The following GOLGB1 variants were observed in gnomAD, a reference collection of about 807,000 sequenced individuals.
The protein encoded by GOLGB1 is golgin subfamily B member 1.
A neutral mutation model predicts 336.9 loss-of-function variants in GOLGB1; 174 were observed. The ratio of observed to expected loss-of-function variants is 0.52; its 90% CI spans 0.46 to 0.59. The LOEUF is 0.59. Among genes scored for constraint, GOLGB1 ranks in the 20% least tolerant of loss-of-function variants. GOLGB1 has a pLI of 0.00. For synonymous variants in GOLGB1, 1,208 were observed against 1,289.2 expected (o/e 0.94, Z 1.35); for missense variants, 3,331 against 3,645.3 (o/e 0.91, Z 2.22).
chr3:121,685,071 A>G (rs1172435211), intron 14 of GOLGB1, among the ~76,000 whole-genome samples: 1 of 152,232 alleles, frequency 6.6e-6, no homozygotes, highest in African/African-American at 2.4e-5. Context: ...AGGAACAACA[A>G]TAACAAAAAC....
intron 13 of GOLGB1, 103 bp downstream of exon 13, chr3:121,693,638 A>AT: frequency 3.5e-6 from 3 of 845,682 alleles, no homozygotes; most frequent in Middle Eastern, 3.3e-4. Context: ...ATGGACATTT[A>AT]TGCCAAAATT....
At chr3:121,725,355 T>C (rs1347233785) in intron 5 of GOLGB1, among the ~76,000 whole-genome samples, 1 of 151,986 alleles carries the variant, frequency 6.6e-6, no homozygotes, top group Non-Finnish European at 1.5e-5. Context: ...GAAAATGGAG[T>C]AAAAGAAGAT....
At chr3:121,676,364 G>GCA (rs939037864) in intron 17 of GOLGB1, among the ~76,000 whole-genome samples, 30 of 152,150 alleles carry the variant, frequency 2.0e-4, no homozygotes, top group African/African-American at 7.0e-4. Context: ...AAAAGCTTAC[G>GCA]CACACACACA....
At chr3:121,742,538 C>T (rs919097939) in intron 1 of GOLGB1, among the ~76,000 whole-genome samples, 5 of 152,162 alleles carry the variant, frequency 3.3e-5, no homozygotes, top group African/African-American at 1.2e-4. Context: ...TAGGCAATAC[C>T]ATTCAGGACA....
chr3:121,696,256 TCTCA>T lies in GOLGB1; in HGVS notation c.4263_4266del (p.Ser1421ArgfsTer13). 6.2e-7 allele frequency: 1 copy of T among 1,614,090 alleles called. No homozygotes were observed. The highest frequency in any genetic ancestry group is 8.5e-7 in the Non-Finnish European group (1 of 1,179,986). ...TGTATTTTAGTGAGAGCTGCTTCTT[TCTCA>T]CTAAGTTGTCCAGAAAGGTAGCTAA... On this transcript the variant is annotated frameshift_variant, in exon 13 of 22. Transcript: ENST00000614479. LOFTEE classifies it high-confidence loss of function.
At chr3:121,704,538 G>A (rs951897572) in intron 10 of GOLGB1, among the ~76,000 whole-genome samples, 4 of 152,172 alleles carry the variant, frequency 2.6e-5, no homozygotes, top group Admixed American at 2.0e-4. Context: ...AGCAGTTTGG[G>A]AGGGCGAGGC....
chr3:121,675,427 A>G (rs1940236017), intron 17 of GOLGB1, among the ~76,000 whole-genome samples: 1 of 152,242 alleles, frequency 6.6e-6, no homozygotes, highest in Admixed American at 6.5e-5. Context: ...AAACTGGAGA[A>G]GCCCAAATGT....
chr3:121,742,977 A>C (rs542022565), intron 1 of GOLGB1, among the ~76,000 whole-genome samples: 41 of 152,324 alleles, frequency 2.7e-4, no homozygotes, highest in African/African-American at 9.6e-4. Flanking sequence ...CAGGTGCTGG[A>C]GAGGTTGTGG....
At chr3:121,733,353 C>G (rs921775445) in intron 1 of GOLGB1, among the ~76,000 whole-genome samples, 1 of 145,134 alleles carries the variant, frequency 6.9e-6, no homozygotes, top group Non-Finnish European at 1.5e-5. Context: ...GAATTTGAAA[C>G]CAATAAGAAT....
In GOLGB1 at chr3:121,690,753, C is replaced by T; in HGVS notation, c.8611G>A (p.Ala2871Thr). ...RKSEEGKQRS[A>T]AQPSTSPAEV... is the part of the protein sequence containing the mutation. ...GCTGGGCTGGTGGAAGGCTGAGCTGCAGACCTCTGCTTCCCTTCCTCTGAC... is the reference window on the plus strand; with the variant it reads ...GCTGGGCTGGTGGAAGGCTGAGCTGTAGACCTCTGCTTCCCTTCCTCTGAC... Residue 2871 changes from alanine (A) to threonine (T), a missense_variant, in exon 14 of 22, where the codon GCA (alanine) becomes ACA (threonine). Transcript: ENST00000614479. The T allele has an allele frequency of 6.4e-7, 1 of 1,572,422 alleles. No homozygotes were observed. Among genetic ancestry groups the T allele is most frequent in the African/African-American group, 1.4e-5 (1 of 73,610 alleles).
chr3:121,733,388 A>G (rs1241093545), intron 1 of GOLGB1, among the ~76,000 whole-genome samples: 3 of 152,156 alleles, frequency 2.0e-5, no homozygotes, highest in Admixed American at 6.5e-5. Flanking sequence ...CACTGAATAA[A>G]CAGAGCAGGA....
At position 121,724,562 on chromosome 3, in the gene GOLGB1, C is replaced by CAA. The variant is rs34839183; in HGVS notation, c.532-2186_532-2185dup. ...GTGAACAGAGAAAAAGAAAACAGAGCAAAAAAAAAAAAAATTGGAAAATTT... is the reference window on the plus strand; with the variant it reads ...GTGAACAGAGAAAAAGAAAACAGAGCAAAAAAAAAAAAAAAATTGGAAAATTT... On this transcript the variant is annotated intron_variant, in intron 5 of 21. Transcript: ENST00000614479. Among the ~76,000 whole-genome samples, 249 of 135,070 alleles carry CAA rather than the reference C, an allele frequency of 1.8e-3. 1 individual carries two copies. Among genetic ancestry groups the CAA allele is most frequent in the East Asian group, 4.8e-3 (23 of 4,752 alleles). The allele number at this position is 135,070 out of a possible 152,430, so 88.6% of individuals were successfully genotyped here.
rs1241411205 is a variant in GOLGB1 at position 121,697,755 on chromosome 3, T to C, written c.2768A>G (p.Asn923Ser). 4 of 1,613,874 alleles carry C rather than the reference T, an allele frequency of 2.5e-6. No individual in the cohort carries two copies. Among genetic ancestry groups the C allele is most frequent in the African/African-American group, 2.7e-5 (2 of 74,932 alleles). Reference sequence around the variant, plus strand: ...AACCCCAAGAGAAAACTTCTCTTCATTAAGCTGAACCATTTTCTCAGTCAT... The same window carrying C: ...AACCCCAAGAGAAAACTTCTCTTCACTAAGCTGAACCATTTTCTCAGTCAT... ...FSMTEKMVQL[N>S]EEKFSLGVEI... The change falls in exon 13 of 22, where the codon AAT (asparagine) becomes AGT (serine). Residue 923 changes from asparagine to serine, a missense_variant. Transcript: ENST00000614479.
chr3:121,699,918 T>C (rs11927625), intron 11 of GOLGB1, 33 bp from the exon 12 acceptor site: 313,056 of 1,290,344 alleles, frequency 0.24, 39,208 homozygotes, highest in East Asian at 0.35. Context: ...CTTTAGAAGA[T>C]ATATGTGGAG....
At chr3:121,733,081 T>C (rs1342554810) in intron 1 of GOLGB1, among the ~76,000 whole-genome samples, 1 of 151,994 alleles carries the variant, frequency 6.6e-6, no homozygotes, top group East Asian at 1.9e-4. Flanking sequence ...CCCAGCACTT[T>C]GGGAGGCCAG....
In GOLGB1 at chr3:121,669,229, C is replaced by A. The variant is rs745564697; in HGVS notation, c.9304G>T (p.Val3102Phe). The change falls in exon 18 of 22, where the codon GTT becomes TTT. Residue 3102 changes from valine to phenylalanine, a missense_variant. Physicochemically the swap from Val to Phe is conservative, Grantham distance 50. Transcript: ENST00000614479. ...LNHCAVLEKQ[V>F]QELQAGPLNI... ...TTACTCACCGCCTGCAGCTCTTGAA[C>A]CTGCTTCTCCAAGACTGCACAGTGA... The A allele has an allele frequency of 7.4e-6, 12 of 1,613,776 alleles. No individual in the cohort carries two copies. The highest frequency in any genetic ancestry group is 2.2e-5 in the East Asian group (1 of 44,894).
rs1450344663 is a variant in GOLGB1, at chr3:121,691,133, G to A, written c.8231C>T (p.Ser2744Phe). The A allele has an allele frequency of 6.2e-7, 1 of 1,613,828 alleles. No homozygotes were observed. Among genetic ancestry groups the A allele is most frequent in the East Asian group, 2.2e-5 (1 of 44,884 alleles). The change falls in exon 14 of 22, where the codon TCT becomes TTT. Residue 2744 changes from serine to phenylalanine, a missense_variant. Transcript: ENST00000614479. ...TCTACTATTTTGCAAGGAACTCATAGACCTTCCAAAAGACTGAATTTGTGC... is the reference window on the plus strand; with the variant it reads ...TCTACTATTTTGCAAGGAACTCATAAACCTTCCAAAAGACTGAATTTGTGC... ...LTAQIQSFGRSMSSLQNSRDH... is the reference protein window; with the variant it reads ...LTAQIQSFGRFMSSLQNSRDH...
intron 11 of GOLGB1, among the ~76,000 whole-genome samples, chr3:121,700,197 G>A (rs1233685354): frequency 6.6e-6 from 1 of 151,972 alleles, no homozygotes; most frequent in Non-Finnish European, 1.5e-5. Context: ...GGAACTTCTA[G>A]GACAATACAT....
intron 14 of GOLGB1, among the ~76,000 whole-genome samples, chr3:121,688,999 C>T (rs535547551): frequency 7.9e-5 from 12 of 152,004 alleles, no homozygotes; most frequent in Admixed American, 5.2e-4. Context: ...GCAGCCACCC[C>T]CTCCGGGAGG....
Sources: allele counts gnomAD v4.1 joint callset (sites outside exome capture counted in the v4.1 genomes callset), GRCh38; gene constraint gnomAD v4.1.1; transcripts MANE v1.5; gene names NCBI Gene and HGNC (gene_info 2026-07-23, HGNC 2026-07-21).